HECW1: variants seen among roughly 807,000 people sequenced by gnomAD.
HECW1 encodes E3 ubiquitin-protein ligase HECW1.
In HECW1, 61 loss-of-function variants were observed where a neutral mutation model predicts 182.3. The observed-to-expected ratio is 0.33, with a 90% CI of 0.27 to 0.41. The LOEUF (loss-of-function observed/expected upper bound fraction) is 0.41, where lower values mean the gene tolerates loss of function less well. Among genes scored for constraint, HECW1 ranks in the 10% least tolerant of loss-of-function variants. The pLI, the probability that HECW1 is intolerant of heterozygous loss-of-function variation, is 1.00. For synonymous variants in HECW1, 859 were observed against 832.6 expected (o/e 1.03, Z -0.55); for missense variants, 1,739 against 2,108.9 (o/e 0.82, Z 3.44).
intron 6 of HECW1, among the ~76,000 whole-genome samples, chr7:43,371,846 T>A (rs372527219): frequency 4.6e-5 from 7 of 152,010 alleles, no homozygotes; most frequent in African/African-American, 1.5e-4. Context: ...TGAGACAGAG[T>A]TTCGTTCTTG....
intron 5 of HECW1, among the ~76,000 whole-genome samples, chr7:43,342,702 G>A (rs1420376420): frequency 2.0e-5 from 3 of 151,640 alleles, no homozygotes; most frequent in Non-Finnish European, 2.9e-5. Flanking sequence ...TGACATATTA[G>A]CAGATTTAAG....
intron 7 of HECW1, among the ~76,000 whole-genome samples, chr7:43,404,810 A>G (rs1297103646): frequency 6.6e-6 from 1 of 152,098 alleles, no homozygotes; most frequent in African/African-American, 2.4e-5. Flanking sequence ...CCCTATCCCT[A>G]CTAAAAATAC....
intron 23 of HECW1, among the ~76,000 whole-genome samples, chr7:43,508,408 CCT>C (rs1459411407): frequency 6.6e-6 from 1 of 152,092 alleles, no homozygotes; most frequent in Non-Finnish European, 1.5e-5. Flanking sequence ...GTGGTGTACC[CCT>C]CTGAGTATCT....
At chr7:43,510,112 T>G (rs10240460) in intron 24 of HECW1, 1 of 151,960 alleles carries the variant, frequency 6.6e-6, no homozygotes, top group Non-Finnish European at 1.5e-5. Context: ...TGCCCTTTGT[T>G]GCCCCAGAAC....
intron 5 of HECW1, among the ~76,000 whole-genome samples, chr7:43,352,187 T>A (rs1339322320): frequency 6.6e-6 from 1 of 152,148 alleles, no homozygotes; most frequent in Non-Finnish European, 1.5e-5. Flanking sequence ...CCTTGCTAGG[T>A]CTCTGATGCC....
chr7:43,539,430 T>C (rs2081287691), intron 24 of HECW1, among the ~76,000 whole-genome samples: 1 of 152,224 alleles, frequency 6.6e-6, no homozygotes, highest in South Asian at 2.1e-4. Context: ...TCCTCAAAGT[T>C]TCCTACTTGG....
At chr7:43,457,835 C>G (rs1170709731) in intron 13 of HECW1, among the ~76,000 whole-genome samples, 1 of 151,960 alleles carries the variant, frequency 6.6e-6, no homozygotes, top group Non-Finnish European at 1.5e-5. Context: ...CTTCTGTTTA[C>G]TGTTGTACAC....
chr7:43,157,318 G>A (rs530875925), intron 2 of HECW1, among the ~76,000 whole-genome samples: 2 of 152,044 alleles, frequency 1.3e-5, no homozygotes, highest in Admixed American at 6.6e-5. Flanking sequence ...CCAAAAAAAT[G>A]TTATCAGTAG....
chr7:43,476,369 C>A (rs903025750), intron 16 of HECW1, among the ~76,000 whole-genome samples: 2 of 152,054 alleles, frequency 1.3e-5, no homozygotes, highest in Admixed American at 6.6e-5. Context: ...GAAAAAAATT[C>A]TTTAATAGAC....
At chr7:43,559,937 T>C (rs1350494407) in intron 29 of HECW1, among the ~76,000 whole-genome samples, 1 of 152,248 alleles carries the variant, frequency 6.6e-6, no homozygotes, top group Non-Finnish European at 1.5e-5. Context: ...TATTCGTCAA[T>C]GCTTTCTGTT....
chr7:43,219,453 A>T (rs1329976861), intron 2 of HECW1, among the ~76,000 whole-genome samples: 1 of 152,090 alleles, frequency 6.6e-6, no homozygotes. Flanking sequence ...GAGCTAAAGA[A>T]GGAAGGGCTT....
In HECW1 at chr7:43,215,935, G is replaced by C. The variant is rs1796403367; in HGVS notation, c.-31-27940G>C. Among the ~76,000 whole-genome samples the C allele has an allele frequency of 2.6e-5, 4 of 152,214 alleles. No homozygotes were observed. The South Asian group carries it at 8.3e-4, about 32-fold the overall frequency. Reference sequence around the variant, plus strand: ...AGGGCCAGTGTTCAGAGACCAGGCAGAGGAGTGGGGCAGACAGAGACCACT... The same window carrying C: ...AGGGCCAGTGTTCAGAGACCAGGCACAGGAGTGGGGCAGACAGAGACCACT... On this transcript the variant is annotated intron_variant, in intron 2 of 29. Coordinates refer to ENST00000395891, the MANE Select transcript of HECW1 (RefSeq NM_015052.5).
intron 8 of HECW1, among the ~76,000 whole-genome samples, chr7:43,417,114 A>G (rs2076036788): frequency 6.6e-6 from 1 of 152,090 alleles, no homozygotes; most frequent in Non-Finnish European, 1.5e-5. Flanking sequence ...GCAATGGCGC[A>G]ATCTCGGCTC....
chr7:43,332,811 G>C (rs1811666567), intron 5 of HECW1, among the ~76,000 whole-genome samples: 1 of 152,176 alleles, frequency 6.6e-6, no homozygotes, highest in Admixed American at 6.5e-5. Flanking sequence ...AATGTACCTG[G>C]CATCATGCTG....
chr7:43,486,904 A>G (rs769172068), intron 17 of HECW1, among the ~76,000 whole-genome samples: 2 of 152,262 alleles, frequency 1.3e-5, no homozygotes, highest in Non-Finnish European at 2.9e-5. Context: ...TTTCCACACC[A>G]TTAACATTTT....
At chr7:43,363,866 C>T (rs562821337) in intron 6 of HECW1, among the ~76,000 whole-genome samples, 37 of 152,346 alleles carry the variant, frequency 2.4e-4, no homozygotes, top group Middle Eastern at 6.8e-3. Flanking sequence ...TGGAGCAGAA[C>T]CACATTTCGC....
intron 24 of HECW1, among the ~76,000 whole-genome samples, chr7:43,528,384 G>A (rs1050684573): frequency 1.3e-5 from 2 of 152,090 alleles, no homozygotes; most frequent in Non-Finnish European, 2.9e-5. Flanking sequence ...CTGGATCTTT[G>A]TTCCTTAACT....
At chr7:43,460,658 C>G (rs1463347107) in intron 13 of HECW1, among the ~76,000 whole-genome samples, 2 of 152,026 alleles carry the variant, frequency 1.3e-5, no homozygotes, top group Non-Finnish European at 2.9e-5. Context: ...TAACCTTTTG[C>G]TACAAAAAAA....
chr7:43,549,514 T>C (rs1441475174), intron 26 of HECW1, among the ~76,000 whole-genome samples: 2 of 152,238 alleles, frequency 1.3e-5, no homozygotes, highest in African/African-American at 4.8e-5. Context: ...TTAAGATGAC[T>C]GAAGATTACC....
Sources: gnomAD v4.1 joint callset for allele counts (sites outside exome capture counted in the v4.1 genomes callset) on GRCh38, gnomAD v4.1.1 for gene constraint, MANE v1.5 for transcripts, NCBI Gene and HGNC (gene_info 2026-07-23, HGNC 2026-07-21) for gene names.